LRMDA: variants seen among roughly 807,000 people sequenced by gnomAD.
The protein encoded by LRMDA is leucine rich melanocyte differentiation associated.
A neutral mutation model predicts 29.8 loss-of-function variants in LRMDA; 18 were observed. That is an observed-to-expected ratio of 0.60 (90% confidence interval 0.42 to 0.90). The LOEUF is 0.90. LRMDA is among the 40% of genes least tolerant of loss of function. The pLI is 0.00. For synonymous variants in LRMDA, 125 were observed against 109.4 expected, an observed-to-expected ratio of 1.14 and a Z score of -0.89; for missense variants, 273 against 273.9, an observed-to-expected ratio of 1.00 and a Z score of 0.02.
chr10:76,219,393 AG>A (rs1199517421), intron 5 of LRMDA, among the ~76,000 whole-genome samples: 8 of 152,204 alleles, frequency 5.3e-5, no homozygotes, highest in Admixed American at 2.0e-4. Context: ...AGACACACAT[AG>A]GCTCAAAATA....
chr10:75,919,284 G>T (rs978243684), intron 2 of LRMDA, among the ~76,000 whole-genome samples: 4 of 152,166 alleles, frequency 2.6e-5, no homozygotes, highest in African/African-American at 9.7e-5. Flanking sequence ...TTAGTCTAGG[G>T]GTTGACTAAG....
chr10:75,994,554 A>G (rs1282406536), intron 2 of LRMDA, among the ~76,000 whole-genome samples: 1 of 152,124 alleles, frequency 6.6e-6, no homozygotes, highest in African/African-American at 2.4e-5. Flanking sequence ...GGAGCAGGAG[A>G]GGGAGGCTGG....
chr10:75,845,535 C>T (rs1319684844), intron 2 of LRMDA, among the ~76,000 whole-genome samples: 2 of 152,182 alleles, frequency 1.3e-5, no homozygotes, highest in East Asian at 1.9e-4. Context: ...TTCAGGTGGA[C>T]ACTTAGTCAT....
chr10:76,289,384 C>T (rs1223443343), intron 5 of LRMDA, among the ~76,000 whole-genome samples: 3 of 152,072 alleles, frequency 2.0e-5, no homozygotes, highest in Non-Finnish European at 4.4e-5. Flanking sequence ...AATGTGAGGT[C>T]GCCTTCTTTT....
intron 2 of LRMDA, among the ~76,000 whole-genome samples, chr10:75,490,140 C>T (rs191545062): frequency 5.1e-4 from 77 of 152,186 alleles, no homozygotes; most frequent in Non-Finnish European, 7.4e-4. Context: ...ATAGAGGCTC[C>T]GAGATGTTAT....
intron 5 of LRMDA, among the ~76,000 whole-genome samples, chr10:76,131,781 C>T (rs535439169): frequency 1.3e-5 from 2 of 152,076 alleles, no homozygotes; most frequent in South Asian, 2.1e-4. Flanking sequence ...CTGAATTGTC[C>T]GTTGACAGGG....
At chr10:75,899,770 C>T (rs1338970092) in intron 2 of LRMDA, among the ~76,000 whole-genome samples, 2 of 152,168 alleles carry the variant, frequency 1.3e-5, no homozygotes, top group African/African-American at 2.4e-5. Context: ...ACTAGTTCTG[C>T]AGGGATGAGG....
chr10:75,892,444 T>C (rs1309950523), intron 2 of LRMDA, among the ~76,000 whole-genome samples: 1 of 152,166 alleles, frequency 6.6e-6, no homozygotes, highest in East Asian at 1.9e-4. Context: ...CTTACAGGTG[T>C]TCTTTAAGGG....
chr10:76,315,021 A>C (rs1840674256), intron 5 of LRMDA, among the ~76,000 whole-genome samples: 1 of 152,210 alleles, frequency 6.6e-6, no homozygotes, highest in South Asian at 2.1e-4. Flanking sequence ...TTTGCCAGGC[A>C]CCTTTGAACA....
At chr10:75,504,015 A>ATTTTT (rs34217626) in intron 2 of LRMDA, among the ~76,000 whole-genome samples, 1 of 141,796 alleles carries the variant, frequency 7.1e-6, no homozygotes, top group African/African-American at 2.6e-5. Flanking sequence ...TATTAATCCC[A>ATTTTT]TTTTTTTTTT....
At chr10:76,531,233 C>A (rs187822278) in intron 6 of LRMDA, among the ~76,000 whole-genome samples, 18 of 152,210 alleles carry the variant, frequency 1.2e-4, no homozygotes, top group Non-Finnish European at 2.2e-4. Context: ...ACTGTAATTA[C>A]CTTAATACCC....
rs559616088 is a variant in LRMDA, at chr10:76,062,357, G to A, written c.516+3574G>A. Among the ~76,000 whole-genome samples the A allele has an allele frequency of 7.9e-5, 12 of 152,272 alleles. No individual in the cohort carries two copies. In the South Asian group the frequency reaches 2.1e-3, roughly 26 times the overall value. ...TCCAATCACAGCTCTTGCCTTGGAGGTAGGGAAACGGGCAGTCTGGGTGTT... is the reference window on the plus strand; with the variant it reads ...TCCAATCACAGCTCTTGCCTTGGAGATAGGGAAACGGGCAGTCTGGGTGTT... On this transcript the variant is annotated intron_variant, in intron 5 of 6. Coordinates refer to ENST00000611255, the MANE Select transcript of LRMDA (RefSeq NM_001305581.2).
At chr10:75,504,503 G>T (rs1371801202) in intron 2 of LRMDA, among the ~76,000 whole-genome samples, 1 of 152,110 alleles carries the variant, frequency 6.6e-6, no homozygotes, top group Non-Finnish European at 1.5e-5. Flanking sequence ...CATATCAAAG[G>T]TTTGGCCAGT....
chr10:76,173,390 A>G (rs1322632378), intron 5 of LRMDA, among the ~76,000 whole-genome samples: 2 of 152,188 alleles, frequency 1.3e-5, no homozygotes, highest in African/African-American at 4.8e-5. Context: ...AAAAGAGAAA[A>G]ATCAATGAAA....
At chr10:76,116,939 C>G (rs1215251232) in intron 5 of LRMDA, among the ~76,000 whole-genome samples, 1 of 152,084 alleles carries the variant, frequency 6.6e-6, no homozygotes, top group Non-Finnish European at 1.5e-5. Context: ...CTTGGGTAAC[C>G]AGTTTCCCTT....
rs774890897 is a variant in LRMDA at position 75,697,503 on chromosome 10, CT to C, written c.131+259023del. On this transcript the variant is annotated intron_variant, in intron 2 of 6. Transcript: ENST00000611255. ...TAGACCTTCCTGTTAGAGGAGCATT[CT>C]TTTTTTTTTTTTTCTTGAGGTCAGA... 5.8e-3 allele frequency among the ~76,000 whole-genome samples: 776 copies of C among 134,822 alleles called. 4 individuals are homozygous for C. The highest frequency in any genetic ancestry group is 0.015 in the African/African-American group (560 of 36,924). The allele number at this position is 134,822 out of a possible 152,430, so 88.4% of individuals were successfully genotyped here. A position where few individuals can be genotyped will look rare whatever the true frequency, so the allele number is the denominator to read the frequency against.
At chr10:76,131,868 T>C (rs1332236747) in intron 5 of LRMDA, among the ~76,000 whole-genome samples, 1 of 152,334 alleles carries the variant, frequency 6.6e-6, no homozygotes, top group East Asian at 1.9e-4. Flanking sequence ...AGCTATACTG[T>C]CAGCCCAGCT....
intron 2 of LRMDA, among the ~76,000 whole-genome samples, chr10:75,984,273 G>A: frequency 6.6e-6 from 1 of 151,470 alleles, no homozygotes; most frequent in East Asian, 1.9e-4. Context: ...GGGGATCTGT[G>A]CCCTGCGGGG....
At chr10:75,587,763 G>A (rs144646965) in intron 2 of LRMDA, among the ~76,000 whole-genome samples, 431 of 152,352 alleles carry the variant, frequency 2.8e-3, no homozygotes, top group Middle Eastern at 6.8e-3. Context: ...CCAATCTAAC[G>A]TGATAGAGTG....
Sources: gnomAD v4.1 joint callset for allele counts (sites outside exome capture counted in the v4.1 genomes callset) on GRCh38, gnomAD v4.1.1 for gene constraint, MANE v1.5 for transcripts, NCBI Gene and HGNC (gene_info 2026-07-23, HGNC 2026-07-21) for gene names.